The following PTPRD variants were observed in gnomAD, a reference collection of about 807,000 sequenced individuals.
PTPRD encodes the protein receptor-type tyrosine-protein phosphatase delta.
In PTPRD, 34 loss-of-function variants were observed where a neutral mutation model predicts 214.5. The observed-to-expected ratio is 0.16, with a 90% CI of 0.12 to 0.21. The LOEUF is 0.21. PTPRD is among the 10% of genes least tolerant of loss of function. The pLI, the probability that PTPRD is intolerant of heterozygous loss-of-function variation, is 1.00. For missense variants in PTPRD, 2,545 were observed against 2,398.7 expected, an observed-to-expected ratio of 1.06 and a Z score of -1.27; for synonymous variants, 1,128 against 845.7, an observed-to-expected ratio of 1.33 and a Z score of -5.79.
At chr9:10,114,600 A>T (rs2098715888) in intron 3 of PTPRD, among the ~76,000 whole-genome samples, 1 of 152,096 alleles carries the variant, frequency 6.6e-6, no homozygotes, top group African/African-American at 2.4e-5. Context: ...ATATGCATGC[A>T]TACATATATT....
chr9:8,603,284 G>A (rs564484945), intron 14 of PTPRD, among the ~76,000 whole-genome samples: 1 of 152,122 alleles, frequency 6.6e-6, no homozygotes, highest in African/African-American at 2.4e-5. Context: ...GATTAAACTG[G>A]ATTTAAAGGT....
intron 21 of PTPRD, among the ~76,000 whole-genome samples, chr9:8,514,242 C>G (rs1289880239): frequency 6.6e-6 from 1 of 152,120 alleles, no homozygotes; most frequent in African/African-American, 2.4e-5. Flanking sequence ...CTGAAGGCAT[C>G]AGGGTTTTTC....
Position 8,526,565 on chromosome 9 carries a change from G to T in PTPRD, c.568+62C>A, listed in dbSNP as rs1592790204. 8 of 1,410,302 alleles carry T rather than the reference G, an allele frequency of 5.7e-6. No homozygotes were observed. The East Asian group carries it at 1.9e-4, about 34-fold the overall frequency. The allele number at this position is 1,410,302 out of a possible 1,614,324, so 87.4% of individuals were successfully genotyped here. A position where few individuals can be genotyped will look rare whatever the true frequency, so the allele number is the denominator to read the frequency against. On this transcript the variant is annotated intron_variant, in intron 17 of 45. Coordinates refer to ENST00000381196, the MANE Select transcript of PTPRD (RefSeq NM_002839.4). ...CGCTGAAAACAGGACAAAGATGAGAGGGATGAAAGGACAGAAAGAATGAGT... is the reference window on the plus strand; with the variant it reads ...CGCTGAAAACAGGACAAAGATGAGATGGATGAAAGGACAGAAAGAATGAGT...
intron 8 of PTPRD, among the ~76,000 whole-genome samples, chr9:9,498,053 T>A (rs1453037101): frequency 6.6e-6 from 1 of 152,146 alleles, no homozygotes; most frequent in Non-Finnish European, 1.5e-5. Flanking sequence ...AAAGGGATCT[T>A]TAAGTGTTTT....
chr9:8,682,153 T>C (rs997817363), intron 12 of PTPRD, among the ~76,000 whole-genome samples: 2 of 150,762 alleles, frequency 1.3e-5, no homozygotes, highest in Non-Finnish European at 2.9e-5. Context: ...GTGCAGAATG[T>C]ATGTGACTCA....
chr9:10,241,398 T>C (rs997390928), intron 3 of PTPRD, among the ~76,000 whole-genome samples: 1 of 151,910 alleles, frequency 6.6e-6, no homozygotes, highest in Non-Finnish European at 1.5e-5. Context: ...GACTTGTAAA[T>C]AAACGTTCAT....
chr9:9,572,084 A>G (rs1348121549), intron 8 of PTPRD, among the ~76,000 whole-genome samples: 1 of 151,438 alleles, frequency 6.6e-6, no homozygotes, highest in Admixed American at 6.6e-5. Context: ...AATAAATCAA[A>G]ATTAAGAACT....
At chr9:10,281,156 T>C (rs2095086847) in intron 3 of PTPRD, among the ~76,000 whole-genome samples, 1 of 152,038 alleles carries the variant, frequency 6.6e-6, no homozygotes, top group South Asian at 2.1e-4. Flanking sequence ...AATGAGTAAA[T>C]AACAAATGAA....
chr9:10,265,096 G>C (rs150657090), intron 3 of PTPRD, among the ~76,000 whole-genome samples: 158 of 152,204 alleles, frequency 1.0e-3, no homozygotes, highest in African/African-American at 3.6e-3. Context: ...ACTCAGTCTG[G>C]GGTATGTCTT....
At chr9:8,353,838 A>ATGTGTATATATGTATATATGTATATG (rs756242146) in intron 39 of PTPRD, among the ~76,000 whole-genome samples, 3 of 46,660 alleles carry the variant, frequency 6.4e-5, no homozygotes, top group African/African-American at 1.7e-4. Flanking sequence ...ATATGTATAT[A>ATGTGTATATATGTATATATGTATATG]TGTATATATG....
At chr9:10,305,554 G>T (rs766393673) in intron 3 of PTPRD, among the ~76,000 whole-genome samples, 3 of 151,998 alleles carry the variant, frequency 2.0e-5, no homozygotes, top group African/African-American at 4.8e-5. Flanking sequence ...AATCTACAAA[G>T]AGCTTAAACA....
chr9:8,793,400 C>T (rs1019361087), intron 11 of PTPRD, among the ~76,000 whole-genome samples: 1 of 152,128 alleles, frequency 6.6e-6, no homozygotes, highest in African/African-American at 2.4e-5. Flanking sequence ...GATCCTCCAG[C>T]CCCAGTCAAA....
chr9:8,527,315 T>C, intron 16 of PTPRD, 30 bp downstream of exon 16: 2 of 1,601,610 alleles, frequency 1.2e-6, no homozygotes, highest in East Asian at 2.2e-5. Flanking sequence ...ATTAGTGGGG[T>C]TGAAGTGCGC....
In PTPRD at chr9:9,890,089, C is replaced by T. The variant is rs1311922095; in HGVS notation, c.-368+48418G>A. 6.6e-5 allele frequency among the ~76,000 whole-genome samples: 10 copies of T among 152,064 alleles called. 1 individual carries two copies. The highest frequency in any genetic ancestry group is 6.6e-5 in the Admixed American group (1 of 15,254). ...CTTAAATTGGTCTGTTTCTTGGGTG[C>T]TCTATGTTAGCCTTAAAAGTAGTAA... is the stretch of plus-strand genomic sequence containing the variant. On this transcript the variant is annotated intron_variant, in intron 5 of 45. Transcript: ENST00000381196.
At chr9:10,151,943 C>T (rs193278728) in intron 3 of PTPRD, among the ~76,000 whole-genome samples, 45 of 152,274 alleles carry the variant, frequency 3.0e-4, no homozygotes, top group Middle Eastern at 6.8e-3. Context: ...CAGTCATGAA[C>T]TGAAGGATAT....
At chr9:10,023,548 G>GT (rs540773928) in intron 4 of PTPRD, among the ~76,000 whole-genome samples, 191 of 150,976 alleles carry the variant, frequency 1.3e-3, no homozygotes, top group African/African-American at 4.0e-3. Flanking sequence ...ATATTCACTT[G>GT]TTTTTTTCTT....
intron 3 of PTPRD, among the ~76,000 whole-genome samples, chr9:10,122,900 G>A (rs922544220): frequency 2.8e-4 from 43 of 152,166 alleles, no homozygotes; most frequent in African/African-American, 9.7e-4. Context: ...CTTGACAGAG[G>A]CAGCCTGGAA....
intron 7 of PTPRD, among the ~76,000 whole-genome samples, chr9:9,600,137 GGAAAATGACA>G (rs2093642751): frequency 6.6e-6 from 1 of 151,948 alleles, no homozygotes; most frequent in Non-Finnish European, 1.5e-5. Flanking sequence ...ATAATTTGGG[GGAAAATGACA>G]CGATAGAGGT....
Position 9,715,095 on chromosome 9 carries a change from C to T in PTPRD, c.-287+19438G>A, listed in dbSNP as rs144511237. ...AAGACCTGGGTTTATGCTGGATCCT[C>T]GTCCAAATAACTTTGTGACTTTGGG... On this transcript the variant is annotated intron_variant, in intron 7 of 45. Coordinates refer to ENST00000381196, the MANE Select transcript of PTPRD (RefSeq NM_002839.4). Among the ~76,000 whole-genome samples the T allele has an allele frequency of 4.6e-5, 7 of 152,204 alleles. No individual in the cohort carries two copies. In the East Asian group the frequency reaches 5.8e-4, roughly 13 times the overall value.
Sources: gnomAD v4.1 joint callset for allele counts (sites outside exome capture counted in the v4.1 genomes callset) on GRCh38, gnomAD v4.1.1 for gene constraint, MANE v1.5 for transcripts, NCBI Gene and HGNC (gene_info 2026-07-23, HGNC 2026-07-21) for gene names.